INPP5J: variants seen among roughly 807,000 people sequenced by gnomAD.
The protein encoded by INPP5J is inositol polyphosphate-5-phosphatase J.
In INPP5J, 75 loss-of-function variants were observed where a neutral mutation model predicts 86.6. That is an observed-to-expected ratio of 0.87 (90% CI 0.72 to 1.05). The LOEUF (loss-of-function observed/expected upper bound fraction) is 1.05. Ranked by LOEUF, INPP5J falls within the 50% of genes least tolerant of loss-of-function variation. INPP5J has a pLI of 0.00. For missense variants in INPP5J, 1,229 were observed against 1,341.2 expected (o/e 0.92, Z 1.31); for synonymous variants, 540 against 550.0 (o/e 0.98, Z 0.25).
At chr22:31,128,413 G>A (rs1039665128) in intron 8 of INPP5J, 58 bp from the exon 9 acceptor site, 43 of 1,591,620 alleles carry the variant, frequency 2.7e-5, no homozygotes, top group Non-Finnish European at 3.3e-5. Context: ...GAGGCAAGGT[G>A]GAGGGTTACA....
chr22:31,123,831 C>T (rs1372943012), intron 1 of INPP5J: 6 of 152,150 alleles, frequency 3.9e-5, no homozygotes, highest in African/African-American at 1.4e-4. Flanking sequence ...CTACAGGACT[C>T]CGTGACTCCC....
At position 31,124,957 on chromosome 22, in the gene INPP5J, A is replaced by G; in HGVS notation, c.218A>G (p.Glu73Gly). 1.2e-6 allele frequency: 2 copies of G among 1,609,224 alleles called. No homozygotes were observed. The highest frequency in any genetic ancestry group is 1.7e-6 in the Non-Finnish European group (2 of 1,177,790). Residue 73 changes from glutamate to glycine, a missense_variant, in exon 2 of 13, where the codon GAA (glutamate) becomes GGA (glycine). Glu to Gly is a moderately conservative substitution (Grantham distance 98). Transcript: ENST00000331075. ...GPRAAMSASS[E>G]GPRLALASPR... ...CGGGCAGCTATGTCAGCTTCCTCGG[A>G]AGGACCGAGGCTGGCTCTGGCATCT...
intron 2 of INPP5J, 76 bp downstream of exon 2, chr22:31,126,086 T>A (rs1050251896): frequency 6.8e-6 from 9 of 1,314,118 alleles, no homozygotes; most frequent in African/African-American, 5.9e-5. Context: ...GTGGATGGTG[T>A]GCTCTACCTC....
chr22:31,128,577 A>AC lies in INPP5J; in HGVS notation c.2117dup (p.Gln707AlafsTer42). 1 of 1,613,208 alleles carries AC rather than the reference A, an allele frequency of 6.2e-7. No homozygotes were observed. The highest frequency in any genetic ancestry group is 8.5e-7 in the Non-Finnish European group (1 of 1,179,778). On this transcript the variant is annotated frameshift_variant, in exon 9 of 13. Coordinates refer to ENST00000331075, the MANE Select transcript of INPP5J (RefSeq NM_001284285.2). LOFTEE classifies it high-confidence loss of function. The stretch of plus-strand genomic sequence containing the variant: ...ACGGAAGAGCCACCGACTCCAGGTG[A>AC]CGCAGCACAGCTACCGCAGCCACAT...
Position 31,134,189 on chromosome 22 carries a change from G to A in INPP5J, c.2791G>A (p.Gly931Ser), listed in dbSNP as rs1922373770. The change falls in exon 13 of 13, where the codon GGC becomes AGC. Residue 931 changes from glycine to serine, a missense_variant. Gly to Ser is a moderately conservative substitution (Grantham distance 56, BLOSUM62 0). Coordinates refer to ENST00000331075, the MANE Select transcript of INPP5J (RefSeq NM_001284285.2). Reference sequence around the variant, plus strand: ...AGTGGCTCCTGACAGGAGCAGTAATGGCAGCAGCCGGGGCAGTAGTGAAGA... The same window carrying A: ...AGTGGCTCCTGACAGGAGCAGTAATAGCAGCAGCCGGGGCAGTAGTGAAGA... ...SRVAPDRSSN[G>S]SSRGSSEEGP... 3.2e-6 allele frequency: 5 copies of A among 1,549,966 alleles called. No homozygotes were observed. Among genetic ancestry groups the A allele is most frequent in the Non-Finnish European group, 4.4e-6 (5 of 1,146,584 alleles).
rs768472551 is a variant in INPP5J, at chr22:31,127,012, C to T, written c.1586C>T (p.Thr529Met). The T allele has an allele frequency of 9.3e-6, 15 of 1,605,232 alleles. No homozygotes were observed. The highest frequency in any genetic ancestry group is 4.0e-5 in the African/African-American group (3 of 74,858). ...PFLRDVQTDC[T>M]RTGLGGYWGN... ...CTGCGAGACGTGCAGACCGACTGCA[C>T]GCGCACTGGCCTGGGCGGCTACTGG... The change falls in exon 5 of 13, where the codon ACG becomes ATG. Residue 529 changes from threonine (T) to methionine (M), a missense_variant. Coordinates refer to ENST00000331075, the MANE Select transcript of INPP5J (RefSeq NM_001284285.2).
rs1373920560 is a variant in INPP5J at position 31,133,695 on chromosome 22, G to T, written c.2495G>T (p.Gly832Val). 7 of 1,612,748 alleles carry T rather than the reference G, an allele frequency of 4.3e-6. No individual in the cohort carries two copies. Among genetic ancestry groups the T allele is most frequent in the Non-Finnish European group, 5.9e-6 (7 of 1,179,338 alleles). Reference protein sequence around the residue: ...YYSHNHSILIGITEPFQISLP... With the variant: ...YYSHNHSILIVITEPFQISLP... ...AGTCACAACCACAGCATCCTCATCG[G>T]CATCACTGAACCCTTCCAGGTAAGT... is the stretch of plus-strand genomic sequence containing the variant. Residue 832 changes from glycine to valine, a missense_variant, in exon 12 of 13, where the codon GGC becomes GTC. Coordinates refer to ENST00000331075, the MANE Select transcript of INPP5J (RefSeq NM_001284285.2).
rs764337377 is a variant in INPP5J at position 31,127,038 on chromosome 22, G to T, written c.1611+1G>T. 2.2e-5 allele frequency: 34 copies of T among 1,576,580 alleles called. No individual in the cohort carries two copies. Among genetic ancestry groups the T allele is most frequent in the Non-Finnish European group, 2.9e-5 (33 of 1,157,154 alleles). Reference sequence around the variant, plus strand: ...GCGCACTGGCCTGGGCGGCTACTGGGTGAGCCTGTGAGCAGGCCCAGAAGA... The same window carrying T: ...GCGCACTGGCCTGGGCGGCTACTGGTTGAGCCTGTGAGCAGGCCCAGAAGA... On this transcript the variant is annotated splice_donor_variant, in intron 5 of 12. Coordinates refer to ENST00000331075, the MANE Select transcript of INPP5J (RefSeq NM_001284285.2). LOFTEE classifies it high-confidence loss of function.
Position 31,133,165 on chromosome 22 carries a change from A to T in INPP5J, c.2261A>T (p.Gln754Leu). The T allele has an allele frequency of 6.3e-7, 1 of 1,586,100 alleles. No homozygotes were observed. The highest frequency in any genetic ancestry group is 8.6e-7 in the Non-Finnish European group (1 of 1,167,126). ...GCAGATGAGTGGGTGCGGCCCGAGC[A>T]GGCGGTGGTGAGGTACCGCATGGAA... is the stretch of plus-strand genomic sequence containing the variant. ...EVADEWVRPE[Q>L]AVVRYRMETV... is the part of the protein sequence containing the mutation. The change falls in exon 10 of 13, where the codon CAG becomes CTG. Residue 754 changes from glutamine to leucine, a missense_variant. Transcript: ENST00000331075.
Position 31,134,366 on chromosome 22 carries a change from T to C in INPP5J, c.2968T>C (p.Ser990Pro), listed in dbSNP as rs767106367. Residue 990 changes from serine (S) to proline (P), a missense_variant, in exon 13 of 13, where the codon TCT (serine) becomes CCT (proline). Transcript: ENST00000331075. ...GGAGGCCCTGGCGCCCAACAGCCTG[T>C]CTCCTAGTCCCCAGGGCCATCGGGG... ...DREALAPNSLSPSPQGHRGLE... is the reference protein window; with the variant it reads ...DREALAPNSLPPSPQGHRGLE... 4.6e-6 allele frequency: 7 copies of C among 1,522,104 alleles called. No homozygotes were observed. In the South Asian group the frequency reaches 5.0e-5, roughly 11 times the overall value. 94.3% of individuals were successfully genotyped at this position (1,522,104 alleles called of 1,614,324 possible).
In INPP5J at chr22:31,127,978, C is replaced by T; in HGVS notation, c.1815C>T (p.Asn605=). ...TCGTGTTCTGGTTCGGGGACCTGAA[C>T]TTCCGCATTGAGAGCTATGACCTGC... ...HDLVFWFGDL[N]FRIESYDLHF... Residue 605 remains asparagine, a synonymous_variant, in exon 7 of 13, where the codon AAC becomes AAT. Coordinates refer to ENST00000331075, the MANE Select transcript of INPP5J (RefSeq NM_001284285.2). The T allele has an allele frequency of 6.2e-7, 1 of 1,611,614 alleles. No homozygotes were observed. Among genetic ancestry groups the T allele is most frequent in the South Asian group, 1.1e-5 (1 of 91,026 alleles).
rs199679257 is a variant in INPP5J, at chr22:31,128,619, G to C, written c.2158G>C (p.Asp720His). The C allele has an allele frequency of 1.2e-6, 2 of 1,605,376 alleles. No homozygotes were observed. Among genetic ancestry groups the C allele is most frequent in the South Asian group, 2.2e-5 (2 of 89,846 alleles). The change falls in exon 9 of 13, where the codon GAC becomes CAC. Residue 720 changes from aspartate to histidine, a missense_variant. Transcript: ENST00000331075. ...YRSHMEYTVS[D>H]HKPVAAQFLL... is the part of the protein sequence containing the mutation. ...CAGCCACATGGAATACACAGTCAGC[G>C]ACCACAAGCCTGTGGCTGCCCAGTT...
At position 31,133,660 on chromosome 22, in the gene INPP5J, G is replaced by A; in HGVS notation, c.2460G>A (p.Leu820=). ...CCAAGGGCCATGGAGACTTCATCCT[G>A]GGCTACTATAGTCACAACCACAGCA... The part of the protein sequence containing the change: ...SLPKGHGDFI[L]GYYSHNHSIL... Residue 820 remains leucine (L), a synonymous_variant, in exon 12 of 13, where the codon CTG becomes CTA. Transcript: ENST00000331075. 4.3e-6 allele frequency: 7 copies of A among 1,613,114 alleles called. No individual in the cohort carries two copies. The highest frequency in any genetic ancestry group is 5.9e-6 in the Non-Finnish European group (7 of 1,179,592).
At chr22:31,133,288 G>C in intron 10 of INPP5J, 53 bp downstream of exon 10, 1 of 1,602,234 alleles carries the variant, frequency 6.2e-7, no homozygotes, top group Non-Finnish European at 8.5e-7. Context: ...GCCTGGAGGA[G>C]CAGCTGAACA....
Position 31,133,130 on chromosome 22 carries a change from G to A in INPP5J, c.2226G>A (p.Arg742=). ...FAFRDDMPLV[R]LEVADEWVRP... Reference sequence around the variant, plus strand: ...TCAGGGACGACATGCCACTGGTGCGGCTGGAGGTGGCAGATGAGTGGGTGC... The same window carrying A: ...TCAGGGACGACATGCCACTGGTGCGACTGGAGGTGGCAGATGAGTGGGTGC... Residue 742 remains arginine, a synonymous_variant, in exon 10 of 13, where the codon CGG becomes CGA. Transcript: ENST00000331075. The A allele has an allele frequency of 6.4e-7, 1 of 1,569,742 alleles. No individual in the cohort carries two copies. The highest frequency in any genetic ancestry group is 8.6e-7 in the Non-Finnish European group (1 of 1,157,744).
chr22:31,128,737 T>C (rs1921762445), intron 9 of INPP5J, 83 bp downstream of exon 9: 1 of 1,207,266 alleles, frequency 8.3e-7, no homozygotes, highest in African/African-American at 1.5e-5. Context: ...ACCCTTTGTA[T>C]AACCCCTTGT....
At chr22:31,126,570 G>A (rs1444611122) in intron 3 of INPP5J, 43 bp from the exon 4 acceptor site, 15 of 1,603,290 alleles carry the variant, frequency 9.4e-6, no homozygotes, top group Admixed American at 3.3e-5. Context: ...GGCTTCCAGG[G>A]CACCTCTCCA....
chr22:31,126,840 G>C, intron 4 of INPP5J, 81 bp from the exon 5 acceptor site: 1 of 1,410,098 alleles, frequency 7.1e-7, no homozygotes, highest in Admixed American at 1.7e-5. Flanking sequence ...GACATGGGTG[G>C]GTGGAGGAGC....
rs745861827 is a variant in INPP5J at position 31,134,249 on chromosome 22, C to CCA, written c.2853_2854dup (p.Pro952HisfsTer16). On this transcript the variant is annotated frameshift_variant, in exon 13 of 13. Transcript: ENST00000331075. LOFTEE classifies it high-confidence loss of function. ...TGGGTTGCCTGGCCCCTGGGCCTTC[C>CCA]CACCAGCTGTGCCTCGAAGCCTGGG... is the stretch of plus-strand genomic sequence containing the variant. 1 of 1,550,756 alleles carries CCA rather than the reference C, an allele frequency of 6.4e-7. No homozygotes were observed. The highest frequency in any genetic ancestry group is 1.4e-5 in the African/African-American group (1 of 73,094).
Sources: allele counts gnomAD v4.1 joint callset, GRCh38; gene constraint gnomAD v4.1.1; transcripts MANE v1.5; gene names NCBI Gene and HGNC (gene_info 2026-07-23, HGNC 2026-07-21).